The following KAZN variants were observed in gnomAD, a reference collection of about 807,000 sequenced individuals.
KAZN encodes the protein kazrin.
A neutral mutation model predicts 87.4 loss-of-function variants in KAZN; 40 were observed. That is an observed-to-expected ratio of 0.46 (90% CI 0.36 to 0.60). The LOEUF is 0.60. KAZN is among the 20% of genes least tolerant of loss of function. The pLI is 0.00. For missense variants in KAZN, 898 were observed against 1,073.9 expected (o/e 0.84, Z 2.29); for synonymous variants, 466 against 458.3 (o/e 1.02, Z -0.22).
chr1:14,792,802 C>A (rs141571026), intron 1 of KAZN, among the ~76,000 whole-genome samples: 2,504 of 152,136 alleles, frequency 0.016, 41 homozygotes, highest in African/African-American at 0.042. Flanking sequence ...ATGGTGAAAC[C>A]CTGTCTCTAC....
intron 1 of KAZN, among the ~76,000 whole-genome samples, chr1:14,611,620 T>C (rs1677824345): frequency 6.6e-6 from 1 of 151,938 alleles, no homozygotes; most frequent in African/African-American, 2.4e-5. Context: ...GACCAGGAGT[T>C]TGAGGTTGCA....
At chr1:14,167,380 G>A (rs1645853170) in intron 1 of KAZN, among the ~76,000 whole-genome samples, 1 of 152,150 alleles carries the variant, frequency 6.6e-6, no homozygotes, top group South Asian at 2.1e-4. Context: ...TCTGGCGTGG[G>A]TTACCAGTAG....
At chr1:14,410,115 T>A (rs1664186957) in intron 2 of KAZN, among the ~76,000 whole-genome samples, 1 of 152,194 alleles carries the variant, frequency 6.6e-6, no homozygotes, top group Non-Finnish European at 1.5e-5. Flanking sequence ...ATTTATTTAT[T>A]TATTTTGAGA....
intron 2 of KAZN, among the ~76,000 whole-genome samples, chr1:14,516,456 A>C (rs1299412792): frequency 1.3e-5 from 2 of 152,228 alleles, no homozygotes; most frequent in African/African-American, 4.8e-5. Context: ...CCTTGACCAC[A>C]GTGATTGGCT....
chr1:14,800,988 T>TA (rs1325553090), intron 1 of KAZN, among the ~76,000 whole-genome samples: 2 of 149,842 alleles, frequency 1.3e-5, no homozygotes, highest in Admixed American at 6.7e-5. Flanking sequence ...ATGAATATGC[T>TA]AAAAAACACT....
At chr1:14,771,420 C>T (rs140350097) in intron 1 of KAZN, among the ~76,000 whole-genome samples, 2 of 152,232 alleles carry the variant, frequency 1.3e-5, no homozygotes, top group East Asian at 3.9e-4. Context: ...AAACCTTGAT[C>T]GGGTCCTAAT....
chr1:14,964,998 C>G (rs1366832454), intron 2 of KAZN, among the ~76,000 whole-genome samples: 5 of 151,748 alleles, frequency 3.3e-5, no homozygotes, highest in African/African-American at 1.2e-4. Context: ...AAGGCAGAAG[C>G]CTGAATGATT....
At chr1:14,108,924 G>C (rs1199019458) in intron 1 of KAZN, among the ~76,000 whole-genome samples, 1 of 152,200 alleles carries the variant, frequency 6.6e-6, no homozygotes, top group East Asian at 1.9e-4. Context: ...GGTCTGTGCT[G>C]CCTATGCCAT....
rs377079116 is a variant in KAZN, at chr1:13,975,661, C to A, written c.91+81905C>A. On this transcript the variant is annotated intron_variant, in intron 1 of 16. Transcript: ENST00000636203. Reference sequence around the variant, plus strand: ...AGTGGATGAATGAGCCATACATTTCCTTAAACAAAACTTAACACACCGGCA... The same window carrying A: ...AGTGGATGAATGAGCCATACATTTCATTAAACAAAACTTAACACACCGGCA... Among the ~76,000 whole-genome samples the A allele has an allele frequency of 6.6e-4, 100 of 152,228 alleles. 4 individuals carry two copies. In the South Asian group the frequency reaches 0.019, roughly 29 times the overall value.
At chr1:14,247,991 C>A (rs145425749) in intron 2 of KAZN, among the ~76,000 whole-genome samples, 2 of 152,122 alleles carry the variant, frequency 1.3e-5, no homozygotes, top group African/African-American at 2.4e-5. Context: ...CTAACGCAAT[C>A]GGTGCTTGTT....
chr1:14,278,533 A>T (rs1440832896), intron 2 of KAZN, among the ~76,000 whole-genome samples: 1 of 151,838 alleles, frequency 6.6e-6, no homozygotes, highest in Non-Finnish European at 1.5e-5. Flanking sequence ...CAGGTAATCC[A>T]CCTGCCTCAG....
At chr1:14,064,046 G>A (rs148765386) in intron 1 of KAZN, among the ~76,000 whole-genome samples, 1,644 of 152,178 alleles carry the variant, frequency 0.011, 29 homozygotes, top group African/African-American at 0.037. Flanking sequence ...CTCCCGAGTA[G>A]CTGGGATTAC....
At chr1:14,460,534 C>G (rs1317907454) in intron 2 of KAZN, among the ~76,000 whole-genome samples, 1 of 152,220 alleles carries the variant, frequency 6.6e-6, no homozygotes, top group Non-Finnish European at 1.5e-5. Flanking sequence ...TTTCCCCAGG[C>G]ATGTCTGTGA....
In KAZN at chr1:14,735,617, C is replaced by G. The variant is rs1162718407; in HGVS notation, c.226+136394C>G. On this transcript the variant is annotated intron_variant, in intron 1 of 14. Transcript: ENST00000376030. The surrounding 1 kb of genome is among the most constrained non-coding windows in gnomAD (Gnocchi z 4.3). ...CCCCCCACGCTGAGATCCATATACC[C>G]AAACATCAGCGAGGCTGCCGTGAGA... Among the ~76,000 whole-genome samples the G allele has an allele frequency of 2.0e-5, 3 of 152,164 alleles. No individual in the cohort carries two copies. The highest frequency in any genetic ancestry group is 4.4e-5 in the Non-Finnish European group (3 of 68,042).
At chr1:14,003,342 A>G (rs1219430588) in intron 1 of KAZN, among the ~76,000 whole-genome samples, 1 of 152,022 alleles carries the variant, frequency 6.6e-6, no homozygotes, top group Non-Finnish European at 1.5e-5. Context: ...TAAAAAAAAA[A>G]AAAAAGAAAA....
At chr1:14,254,370 T>C (rs776093676) in intron 2 of KAZN, among the ~76,000 whole-genome samples, 1 of 152,202 alleles carries the variant, frequency 6.6e-6, no homozygotes, top group Non-Finnish European at 1.5e-5. Flanking sequence ...TCTCTGGTAT[T>C]TATGACCTGC....
chr1:14,297,842 A>T (rs1654242189), intron 2 of KAZN, among the ~76,000 whole-genome samples: 1 of 152,210 alleles, frequency 6.6e-6, no homozygotes, highest in South Asian at 2.1e-4. Flanking sequence ...ATTATTTGTG[A>T]TGCCTCCCTG....
intron 2 of KAZN, among the ~76,000 whole-genome samples, chr1:14,431,093 G>C (rs1196867287): frequency 6.6e-6 from 1 of 152,196 alleles, no homozygotes; most frequent in Admixed American, 6.5e-5. Flanking sequence ...ATACATTAAT[G>C]AATGGGTGAC....
chr1:14,915,876 C>T (rs1157689002), intron 1 of KAZN, among the ~76,000 whole-genome samples: 3 of 152,188 alleles, frequency 2.0e-5, no homozygotes, highest in African/African-American at 7.2e-5. Context: ...TAAATGACAC[C>T]TATTGCCAAG....
Sources: allele counts gnomAD v4.1 joint callset (sites outside exome capture counted in the v4.1 genomes callset), GRCh38; gene constraint gnomAD v4.1.1; non-coding constraint Gnocchi (gnomAD v3.1); transcripts MANE v1.5; gene names NCBI Gene and HGNC (gene_info 2026-07-23, HGNC 2026-07-21).